The following CDCP1 variants were observed in gnomAD, a reference collection of about 807,000 sequenced individuals.
The protein encoded by CDCP1 is CUB domain-containing protein 1.
In CDCP1, 29 loss-of-function variants were observed where a neutral mutation model predicts 60.2. That is an observed-to-expected ratio of 0.48 (90% CI 0.36 to 0.66). The LOEUF (loss-of-function observed/expected upper bound fraction) is 0.66. Among genes scored for constraint, CDCP1 ranks in the 30% least tolerant of loss-of-function variants. The pLI is 0.00. For synonymous variants in CDCP1, 387 were observed against 431.1 expected, an observed-to-expected ratio of 0.90 and a Z score of 1.27; for missense variants, 876 against 1,074.3, an observed-to-expected ratio of 0.82 and a Z score of 2.58.
chr3:45,135,786 G>GCTTATACTGCAATT (rs1699182257), intron 1 of CDCP1, among the ~76,000 whole-genome samples: 1 of 152,126 alleles, frequency 6.6e-6, no homozygotes, highest in Non-Finnish European at 1.5e-5. Context: ...GCCTGTAGAA[G>GCTTATACTGCAATT]CTTATACTGC....
intron 4 of CDCP1, among the ~76,000 whole-genome samples, chr3:45,096,677 A>G (rs1219581542): frequency 6.6e-6 from 1 of 151,352 alleles, no homozygotes; most frequent in African/African-American, 2.4e-5. Flanking sequence ...AAATATAAAT[A>G]TTGAGCAGAA....
intron 1 of CDCP1, among the ~76,000 whole-genome samples, chr3:45,129,601 T>C (rs1447753457): frequency 6.6e-6 from 1 of 152,160 alleles, no homozygotes; most frequent in African/African-American, 2.4e-5. Flanking sequence ...TCACTGAGGA[T>C]CACAAGGATG....
intron 7 of CDCP1, 139 bp from the exon 8 acceptor site, chr3:45,089,280 G>T: frequency 1.5e-6 from 1 of 661,606 alleles, no homozygotes; most frequent in Non-Finnish European, 2.7e-6. Context: ...TGCACATGGG[G>T]CTCCTCATAT....
At chr3:45,087,394 C>T (rs145417107) in intron 8 of CDCP1, among the ~76,000 whole-genome samples, 201 of 152,302 alleles carry the variant, frequency 1.3e-3, no homozygotes, top group African/African-American at 4.8e-3. Context: ...CTTAAACTGG[C>T]GCTGTTTCAA....
In CDCP1 at chr3:45,091,514, G is replaced by C; in HGVS notation, c.1652C>G (p.Pro551Arg). ...FKEEGVFTVT[P>R]DTKSKVYLRT... Reference sequence around the variant, plus strand: ...CAGGTAGACCTTGCTTTTTGTGTCAGGGGTCACCGTGAAAACGCCTTCCTC... The same window carrying C: ...CAGGTAGACCTTGCTTTTTGTGTCACGGGTCACCGTGAAAACGCCTTCCTC... Residue 551 changes from proline (P) to arginine (R), a missense_variant, in exon 7 of 9, where the codon CCT (proline) becomes CGT (arginine). Physicochemically the swap from Pro to Arg is moderately radical, Grantham distance 103 (BLOSUM62 -2). Transcript: ENST00000296129. The surrounding 1 kb of genome is among the most constrained non-coding windows in gnomAD (Gnocchi z 4.8). 6.2e-7 allele frequency: 1 copy of C among 1,605,410 alleles called. No homozygotes were observed. The highest frequency in any genetic ancestry group is 8.5e-7 in the Non-Finnish European group (1 of 1,175,898).
Position 45,134,217 on chromosome 3 carries a change from G to A in CDCP1, c.82+11989C>T, listed in dbSNP as rs138320404. On this transcript the variant is annotated intron_variant, in intron 1 of 8. Coordinates refer to ENST00000296129, the MANE Select transcript of CDCP1 (RefSeq NM_022842.5). ...TATGCTCACTGCAAGCTCCGCCTCC[G>A]GGGTTCACATCATTCTCCTGCCTCA... Among the ~76,000 whole-genome samples the A allele has an allele frequency of 5.0e-3, 761 of 151,652 alleles. 2 individuals are homozygous for A. The highest frequency in any genetic ancestry group is 0.011 in the African/African-American group (440 of 41,310).
In CDCP1 at chr3:45,084,234, T is replaced by G; in HGVS notation, c.*1404A>C. 1 of 152,104 alleles carries G rather than the reference T, an allele frequency of 6.6e-6. No individual in the cohort carries two copies. Among genetic ancestry groups the G allele is most frequent in the East Asian group, 1.9e-4 (1 of 5,168 alleles). 9.4% of individuals were successfully genotyped at this position (152,104 alleles called of 1,614,324 possible). A position where few individuals can be genotyped will look rare whatever the true frequency, so the allele number is the denominator to read the frequency against. ...CCAGATCTTCTGATCTGGGTTTTTT[T>G]TTAAGTGTTAGAGTCCGCAAGCTAA... On this transcript the variant is annotated 3_prime_UTR_variant, in exon 9 of 9. Coordinates refer to ENST00000296129, the MANE Select transcript of CDCP1 (RefSeq NM_022842.5).
chr3:45,115,594 C>T (rs1698774766), intron 2 of CDCP1, among the ~76,000 whole-genome samples: 1 of 152,144 alleles, frequency 6.6e-6, no homozygotes, highest in Admixed American at 6.6e-5. Context: ...AATATATCAA[C>T]GTTCTCTTTA....
intron 8 of CDCP1, among the ~76,000 whole-genome samples, chr3:45,087,790 C>G (rs141217519): frequency 6.6e-6 from 1 of 152,012 alleles, no homozygotes; most frequent in East Asian, 1.9e-4. Flanking sequence ...GAGGCCGAGG[C>G]GGGTGGATCA....
chr3:45,109,723 A>C (rs1464960770), intron 4 of CDCP1, among the ~76,000 whole-genome samples: 1 of 151,998 alleles, frequency 6.6e-6, no homozygotes, highest in Non-Finnish European at 1.5e-5. Flanking sequence ...TTGCAGGTAC[A>C]TGACCCTGAG....
chr3:45,146,168 C>G, intron 1 of CDCP1, 38 bp downstream of exon 1: 1 of 1,546,422 alleles, frequency 6.5e-7, no homozygotes, highest in Non-Finnish European at 8.7e-7. Context: ...GGCTAGCTCA[C>G]CACTCCACGC....
intron 1 of CDCP1, among the ~76,000 whole-genome samples, chr3:45,123,003 A>AT (rs35405744): frequency 0.61 from 89,728 of 147,482 alleles, 27,512 homozygotes; most frequent in South Asian, 0.69. Flanking sequence ...AGACGTAGGG[A>AT]TTTTTTTTTT....
intron 4 of CDCP1, among the ~76,000 whole-genome samples, chr3:45,105,156 C>A (rs1256297843): frequency 6.6e-6 from 1 of 152,192 alleles, no homozygotes; most frequent in Non-Finnish European, 1.5e-5. Flanking sequence ...AAAAGCCACA[C>A]TGGGGACCTT....
chr3:45,118,363 T>C (rs1214852260), intron 2 of CDCP1, 49 bp downstream of exon 2: 2 of 1,329,426 alleles, frequency 1.5e-6, no homozygotes, highest in Middle Eastern at 2.0e-4. Flanking sequence ...CAGGGAGGTG[T>C]AGAGACATTT....
chr3:45,115,649 AT>A (rs1434245264), intron 2 of CDCP1, among the ~76,000 whole-genome samples: 4 of 152,296 alleles, frequency 2.6e-5, no homozygotes, highest in Admixed American at 2.6e-4. Flanking sequence ...ATTGACTTAA[AT>A]TGATAAATTA....
chr3:45,091,565 C>G lies in CDCP1; in HGVS notation c.1628-27G>C, dbSNP rs72879974. 1 of 1,566,390 alleles carries G rather than the reference C, an allele frequency of 6.4e-7. No individual in the cohort carries two copies. Among genetic ancestry groups the G allele is most frequent in the South Asian group, 1.2e-5 (1 of 85,636 alleles). On this transcript the variant is annotated intron_variant, in intron 6 of 8. Transcript: ENST00000296129. This position sits in a 1 kb window ranked among gnomAD's most constrained non-coding sequence, Gnocchi z 4.8. ...TGCAGGAAAGGGAGGGAGATCCAGA[C>G]AGATGTTTCATTCAGTCAACATGGA...
At chr3:45,093,682 C>T (rs755376972) in intron 5 of CDCP1, 25 bp from the exon 6 acceptor site, 1 of 1,590,760 alleles carries the variant, frequency 6.3e-7, no homozygotes, top group Non-Finnish European at 8.6e-7. Context: ...GCATGCTAGC[C>T]ATGCACAAAG....
intron 1 of CDCP1, among the ~76,000 whole-genome samples, chr3:45,120,183 G>T (rs1698859159): frequency 6.6e-6 from 1 of 152,170 alleles, no homozygotes; most frequent in Non-Finnish European, 1.5e-5. Context: ...ACTTCTGCCA[G>T]CTGCCATGAG....
intron 1 of CDCP1, among the ~76,000 whole-genome samples, chr3:45,134,331 A>G (rs1347314688): frequency 2.0e-5 from 3 of 152,082 alleles, no homozygotes; most frequent in Admixed American, 6.5e-5. Flanking sequence ...TCACCGTGTT[A>G]GCCAGGATGG....
Sources: allele counts gnomAD v4.1 joint callset (sites outside exome capture counted in the v4.1 genomes callset), GRCh38; gene constraint gnomAD v4.1.1; non-coding constraint Gnocchi (gnomAD v3.1); transcripts MANE v1.5; gene names NCBI Gene and HGNC (gene_info 2026-07-23, HGNC 2026-07-21).